Variants in PLEKHM3 observed in about 807,000 individuals in gnomAD.
PLEKHM3 encodes pleckstrin homology domain containing M3.
In PLEKHM3, 45 loss-of-function variants were observed where a neutral mutation model predicts 81.8. The observed-to-expected ratio is 0.55, with a 90% CI of 0.43 to 0.71. PLEKHM3 has a LOEUF of 0.71. Ranked by LOEUF, PLEKHM3 falls within the 30% of genes least tolerant of loss-of-function variation. The probability of loss-of-function intolerance (pLI) is 0.00; values close to 1 mark genes in which losing one functional copy is unlikely to be tolerated. For synonymous variants in PLEKHM3, 352 were observed against 356.4 expected, an observed-to-expected ratio of 0.99 and a Z score of 0.14; for missense variants, 788 against 924.3, an observed-to-expected ratio of 0.85 and a Z score of 1.91.
chr2:207,923,784 T>A (rs1353190575), intron 5 of PLEKHM3, among the ~76,000 whole-genome samples: 1 of 146,416 alleles, frequency 6.8e-6, no homozygotes, highest in African/African-American at 2.5e-5. Flanking sequence ...AAGGGAATAA[T>A]GTCATGATTA....
chr2:208,022,912 G>C (rs1427776667), intron 1 of PLEKHM3, among the ~76,000 whole-genome samples: 1 of 152,136 alleles, frequency 6.6e-6, no homozygotes, highest in South Asian at 2.1e-4. Flanking sequence ...CTTAGGTGTT[G>C]TTTCTTATCA....
chr2:208,002,960 A>G (rs973503906), intron 1 of PLEKHM3, among the ~76,000 whole-genome samples: 1 of 152,022 alleles, frequency 6.6e-6, no homozygotes, highest in Non-Finnish European at 1.5e-5. Context: ...TTAATCCTTA[A>G]CTACTTATAA....
chr2:207,831,271 G>T (rs542101337), intron 7 of PLEKHM3, among the ~76,000 whole-genome samples: 35 of 152,292 alleles, frequency 2.3e-4, no homozygotes, highest in African/African-American at 8.4e-4. Context: ...ACTCCAAGAG[G>T]GCTAGGGATT....
chr2:207,854,449 AACTTT>A (rs527357889), intron 7 of PLEKHM3, among the ~76,000 whole-genome samples: 2 of 152,194 alleles, frequency 1.3e-5, no homozygotes, highest in Non-Finnish European at 2.9e-5. Context: ...TGAGATTTTA[AACTTT>A]ACTTTACTAT....
intron 1 of PLEKHM3, among the ~76,000 whole-genome samples, chr2:208,023,548 G>A (rs956568612): frequency 6.6e-6 from 1 of 152,154 alleles, no homozygotes; most frequent in Non-Finnish European, 1.5e-5. Context: ...CCTCCTGTCA[G>A]ATCGGCAGCA....
Position 207,826,091 on chromosome 2 carries a change from A to G in PLEKHM3, c.*2228T>C. 6.6e-6 allele frequency: 1 copy of G among 152,230 alleles called. No individual in the cohort carries two copies. Among genetic ancestry groups the G allele is most frequent in the Non-Finnish European group, 1.5e-5 (1 of 68,042 alleles). The allele number at this position is 152,230 out of a possible 1,614,324, so 9.4% of individuals were successfully genotyped here. A position where few individuals can be genotyped will look rare whatever the true frequency, so the allele number is the denominator to read the frequency against. ...GGTCTCCAAATGCAGTGTGCTAGGA[A>G]TGGCCTCGCTGACAGTTGGAATCAC... On this transcript the variant is annotated 3_prime_UTR_variant, in exon 8 of 8. Coordinates refer to ENST00000427836, the MANE Select transcript of PLEKHM3 (RefSeq NM_001080475.3).
intron 6 of PLEKHM3, among the ~76,000 whole-genome samples, chr2:207,896,722 A>G (rs904314848): frequency 2.6e-5 from 4 of 152,250 alleles, no homozygotes; most frequent in Non-Finnish European, 5.9e-5. Context: ...AATGTACTGC[A>G]AATTCTATGT....
intron 3 of PLEKHM3, among the ~76,000 whole-genome samples, chr2:207,968,956 C>T (rs1406443823): frequency 6.6e-6 from 1 of 152,172 alleles, no homozygotes; most frequent in Non-Finnish European, 1.5e-5. Context: ...CCCCAATTAG[C>T]TACATACCTA....
intron 6 of PLEKHM3, among the ~76,000 whole-genome samples, chr2:207,906,838 A>G (rs1040789147): frequency 6.6e-6 from 1 of 152,214 alleles, no homozygotes; most frequent in Non-Finnish European, 1.5e-5. Context: ...GGACAAAAAG[A>G]ACACAAAAGT....
chr2:207,979,286 G>A (rs143280961), intron 2 of PLEKHM3, among the ~76,000 whole-genome samples: 2,427 of 152,306 alleles, frequency 0.016, 67 homozygotes, highest in African/African-American at 0.055. Flanking sequence ...TGTAATCCCA[G>A]CACTTTGGGA....
At chr2:207,848,332 T>C (rs2092395538) in intron 7 of PLEKHM3, among the ~76,000 whole-genome samples, 1 of 152,222 alleles carries the variant, frequency 6.6e-6, no homozygotes, top group African/African-American at 2.4e-5. Context: ...GAAAGAGTCT[T>C]TGTAAGGTTA....
intron 6 of PLEKHM3, 107 bp downstream of exon 6, chr2:207,908,407 G>A (rs932072745): frequency 1.9e-5 from 20 of 1,041,274 alleles, no homozygotes; most frequent in Non-Finnish European, 2.6e-5. Flanking sequence ...CAGGGTTTCT[G>A]ATGAAAACTA....
At chr2:207,862,560 C>A (rs113113575) in intron 6 of PLEKHM3, among the ~76,000 whole-genome samples, 1 of 152,200 alleles carries the variant, frequency 6.6e-6, no homozygotes, top group Non-Finnish European at 1.5e-5. Context: ...ATCACTTGAA[C>A]CTGGGAGGCA....
Position 207,991,335 on chromosome 2 carries a change from T to C in PLEKHM3, c.610+9695A>G, listed in dbSNP as rs559193905. Among the ~76,000 whole-genome samples the C allele has an allele frequency of 2.9e-4, 44 of 152,300 alleles. 1 individual carries two copies. In the South Asian group the frequency reaches 8.9e-3, roughly 31 times the overall value. Reference sequence around the variant, plus strand: ...ATGCAGCCTACAGAATTATAGAGACTTAGAGCTGGAAGAGATCCTAGAAAT... The same window carrying C: ...ATGCAGCCTACAGAATTATAGAGACCTAGAGCTGGAAGAGATCCTAGAAAT... On this transcript the variant is annotated intron_variant, in intron 2 of 7. Transcript: ENST00000427836.
At chr2:207,950,150 A>G (rs1234364024) in intron 3 of PLEKHM3, among the ~76,000 whole-genome samples, 1 of 152,192 alleles carries the variant, frequency 6.6e-6, no homozygotes, top group Admixed American at 6.5e-5. Flanking sequence ...CAGCACATAA[A>G]CACCTACCTT....
chr2:207,835,117 G>C (rs1347634543), intron 7 of PLEKHM3, among the ~76,000 whole-genome samples: 1 of 151,308 alleles, frequency 6.6e-6, no homozygotes, highest in Non-Finnish European at 1.5e-5. Flanking sequence ...ATTTTTTTTT[G>C]TATTTTTAGT....
chr2:207,954,748 A>C (rs1160726310), intron 3 of PLEKHM3, among the ~76,000 whole-genome samples: 1 of 152,238 alleles, frequency 6.6e-6, no homozygotes, highest in African/African-American at 2.4e-5. Flanking sequence ...TTGTGTTAAC[A>C]GTGCTAGAGG....
At chr2:207,841,238 G>T (rs559451166) in intron 7 of PLEKHM3, among the ~76,000 whole-genome samples, 95 of 150,936 alleles carry the variant, frequency 6.3e-4, no homozygotes, top group African/African-American at 2.3e-3. Flanking sequence ...AGGCCGAGGT[G>T]GGCAGATCAC....
chr2:207,899,927 GC>G (rs1049833737), intron 6 of PLEKHM3: 6 of 152,100 alleles, frequency 3.9e-5, no homozygotes, highest in African/African-American at 1.4e-4. Context: ...TACAGTCATA[GC>G]CTCTAGGAAG....
Sources: gnomAD v4.1 joint callset for allele counts (sites outside exome capture counted in the v4.1 genomes callset) on GRCh38, gnomAD v4.1.1 for gene constraint, MANE v1.5 for transcripts, NCBI Gene and HGNC (gene_info 2026-07-23, HGNC 2026-07-21) for gene names.